PUS10: variants seen among roughly 807,000 people sequenced by gnomAD.
PUS10 encodes the protein pseudouridine synthase 10, also known as tRNA pseudouridine synthase Pus10.
A neutral mutation model predicts 75.0 loss-of-function variants in PUS10; 59 were observed. The ratio of observed to expected loss-of-function variants is 0.79; its 90% CI spans 0.64 to 0.98. The LOEUF (loss-of-function observed/expected upper bound fraction) is 0.98. Among genes scored for constraint, PUS10 ranks in the 50% least tolerant of loss-of-function variants. PUS10 has a pLI of 0.00. For synonymous variants in PUS10, 219 were observed against 211.6 expected (o/e 1.03, Z -0.30); for missense variants, 650 against 614.4 (o/e 1.06, Z -0.61).
At chr2:60,987,209 T>A (rs78509290) in intron 4 of PUS10, among the ~76,000 whole-genome samples, 6 of 152,186 alleles carry the variant, frequency 3.9e-5, no homozygotes, top group Non-Finnish European at 7.3e-5. Context: ...GAATGCTTGT[T>A]AACAGGTGTG....
rs1573543632 is a variant in PUS10, at chr2:61,018,084, G to A, written c.-92C>T. On this transcript the variant is annotated 5_prime_UTR_variant, in exon 1 of 18. Transcript: ENST00000316752. The stretch of plus-strand genomic sequence containing the variant: ...AGCAACGTTTTTTTCGGGAGCTCCT[G>A]GGCGTCTCTCTGGGTCTCTGTGCTT... The A allele has an allele frequency of 1.3e-6, 2 of 1,521,734 alleles. No homozygotes were observed. The highest frequency in any genetic ancestry group is 4.9e-5 in the East Asian group (2 of 40,736). 94.3% of individuals were successfully genotyped at this position (1,521,734 alleles called of 1,614,324 possible).
intron 10 of PUS10, among the ~76,000 whole-genome samples, 154 bp from the exon 11 acceptor site, chr2:60,960,671 C>T (rs1675972535): frequency 1.3e-5 from 2 of 151,862 alleles, no homozygotes. Flanking sequence ...ATTTGGAGAC[C>T]TGGGACATAT....
rs776137177 is a variant in PUS10, at chr2:60,965,448, C to T, written c.652G>A (p.Glu218Lys). 1.9e-6 allele frequency: 3 copies of T among 1,611,592 alleles called. No individual in the cohort carries two copies. In the African/African-American group the frequency reaches 4.0e-5, roughly 22 times the overall value. The change falls in exon 7 of 18, where the codon GAA (glutamate) becomes AAA (lysine). Residue 218 changes from glutamate to lysine, a missense_variant. By Grantham distance (56) the Glu-to-Lys change is moderately conservative (BLOSUM62 1). Coordinates refer to ENST00000316752, the MANE Select transcript of PUS10 (RefSeq NM_144709.4). ...FEVSVVFAHPETVEDCHFLAA... is the reference protein window; with the variant it reads ...FEVSVVFAHPKTVEDCHFLAA... Reference sequence around the variant, plus strand: ...AGGAAGTGGCAATCCTCAACTGTTTCTGGGTGAGCAAAGACCACACTCACT... The same window carrying T: ...AGGAAGTGGCAATCCTCAACTGTTTTTGGGTGAGCAAAGACCACACTCACT...
At chr2:60,971,178 T>C (rs1166280209) in intron 5 of PUS10, among the ~76,000 whole-genome samples, 1 of 146,456 alleles carries the variant, frequency 6.8e-6, no homozygotes, top group Non-Finnish European at 1.5e-5. Flanking sequence ...AGACTCCACC[T>C]CAAAAAAAAA....
chr2:60,970,611 ATAT>A (rs1676597377), intron 5 of PUS10, among the ~76,000 whole-genome samples: 1 of 152,180 alleles, frequency 6.6e-6, no homozygotes, highest in Admixed American at 6.5e-5. Context: ...TGTTGCAGAA[ATAT>A]TAATATGTTT....
intron 5 of PUS10, among the ~76,000 whole-genome samples, chr2:60,971,151 G>T (rs1676636949): frequency 6.6e-6 from 1 of 151,230 alleles, no homozygotes. Flanking sequence ...CTGCACTCCA[G>T]CCTGGGTGAC....
At chr2:61,015,088 A>G (rs1383600343) in intron 1 of PUS10, among the ~76,000 whole-genome samples, 2 of 152,222 alleles carry the variant, frequency 1.3e-5, no homozygotes, top group African/African-American at 4.8e-5. Context: ...CAAGCTGACA[A>G]GGTGACAACT....
chr2:61,014,965 T>A (rs1470717355), intron 1 of PUS10, among the ~76,000 whole-genome samples: 7 of 152,136 alleles, frequency 4.6e-5, no homozygotes. Flanking sequence ...ACCATAAAAA[T>A]CAGTTCAGCA....
At chr2:61,012,867 A>AATATATATATATAT (rs1559006783) in intron 1 of PUS10, among the ~76,000 whole-genome samples, 53 of 27,738 alleles carry the variant, frequency 1.9e-3, no homozygotes, top group African/African-American at 4.5e-3. Context: ...AAAAAAAAAA[A>AATATATATATATAT]ATATATATAT....
chr2:61,016,645 C>T (rs111690591), intron 1 of PUS10, among the ~76,000 whole-genome samples: 2,101 of 152,174 alleles, frequency 0.014, 42 homozygotes, highest in African/African-American at 0.047. Flanking sequence ...GGACTGAATC[C>T]CTCCTCCCCA....
chr2:61,004,089 CAAA>C (rs1160011165), intron 4 of PUS10, among the ~76,000 whole-genome samples: 2 of 152,022 alleles, frequency 1.3e-5, no homozygotes, highest in East Asian at 3.9e-4. Context: ...TACAAACAGA[CAAA>C]GAAGTTCTAA....
At chr2:61,001,952 C>A (rs770258730) in intron 4 of PUS10, among the ~76,000 whole-genome samples, 1 of 151,800 alleles carries the variant, frequency 6.6e-6, no homozygotes, top group Admixed American at 6.6e-5. Flanking sequence ...TGTTTGAAAT[C>A]CACTTATCAA....
chr2:60,981,171 G>T (rs961868566), intron 4 of PUS10, among the ~76,000 whole-genome samples: 1 of 152,076 alleles, frequency 6.6e-6, no homozygotes, highest in Non-Finnish European at 1.5e-5. Context: ...GGGATTACAG[G>T]TGTGAGCCAC....
chr2:61,006,671 T>A (rs780228225), intron 3 of PUS10, 28 bp from the exon 4 acceptor site: 2 of 1,542,892 alleles, frequency 1.3e-6, no homozygotes, highest in African/African-American at 2.7e-5. Context: ...TTATGTAAAT[T>A]CCCAGGAATT....
chr2:61,016,940 A>G (rs979661538), intron 1 of PUS10, among the ~76,000 whole-genome samples: 1 of 152,136 alleles, frequency 6.6e-6, no homozygotes, highest in Admixed American at 6.5e-5. Flanking sequence ...CAGCTCTGGA[A>G]TCTACTGTGG....
intron 17 of PUS10, 76 bp from the exon 18 acceptor site, chr2:60,942,509 T>A (rs1438210738): frequency 3.7e-6 from 4 of 1,094,028 alleles, no homozygotes; most frequent in African/African-American, 1.6e-5. Context: ...CTGTATAAAT[T>A]TAATAGTTTT....
At chr2:60,981,933 T>C (rs1254628371) in intron 4 of PUS10, among the ~76,000 whole-genome samples, 1 of 152,120 alleles carries the variant, frequency 6.6e-6, no homozygotes, top group African/African-American at 2.4e-5. Flanking sequence ...TAGACCACAC[T>C]TTGAAACAAA....
At position 60,945,029 on chromosome 2, in the gene PUS10, T is replaced by C. The variant is rs1478397372; in HGVS notation, c.1531A>G (p.Ile511Val). ...TTTACCTCAACATCCAGCTCCAGAA[T>C]GTCTGCAGTCACATTCATCAGGGAC... ...IGSLMNVTAD[I>V]LELDVESVDV... The change falls in exon 17 of 18, where the codon ATT becomes GTT. Residue 511 changes from isoleucine to valine, a missense_variant. Transcript: ENST00000316752. 6.2e-7 allele frequency: 1 copy of C among 1,613,660 alleles called. No homozygotes were observed. Among genetic ancestry groups the C allele is most frequent in the Non-Finnish European group, 8.5e-7 (1 of 1,179,534 alleles).
At chr2:60,985,152 G>A (rs975438091) in intron 4 of PUS10, among the ~76,000 whole-genome samples, 25 of 152,058 alleles carry the variant, frequency 1.6e-4, no homozygotes, top group African/African-American at 6.0e-4. Context: ...TTGCTAAAAT[G>A]AATTATATCT....
Sources: allele counts gnomAD v4.1 joint callset (sites outside exome capture counted in the v4.1 genomes callset), GRCh38; gene constraint gnomAD v4.1.1; transcripts MANE v1.5; gene names NCBI Gene and HGNC (gene_info 2026-07-23, HGNC 2026-07-21).